GGT1: variants seen among roughly 807,000 people sequenced by gnomAD.
The protein encoded by GGT1 is glutathione hydrolase 1 proenzyme.
GGT1 carries 21 observed loss-of-function variants against 56.0 expected under a neutral mutation model. The observed-to-expected ratio is 0.38, with a 90% CI of 0.27 to 0.54. The LOEUF (loss-of-function observed/expected upper bound fraction) is 0.54, where lower values mean the gene tolerates loss of function less well. GGT1 is among the 20% of genes least tolerant of loss of function. GGT1 has a pLI of 0.82. For missense variants in GGT1, 466 were observed against 787.0 expected (o/e 0.59, Z 4.88); for synonymous variants, 238 against 342.6 (o/e 0.69, Z 3.37).
the GGT1 span, chr22:24,588,871 T>G: frequency 9.9e-7 from 1 of 1,005,890 alleles, no homozygotes; most frequent in Non-Finnish European, 1.2e-6. Flanking sequence ...ACCACCTGGC[T>G]CTCTCTCAGT....
rs978672693 is a variant in GGT1 at position 24,603,213 on chromosome 22, G to A, written c.-743G>A. 2.0e-5 allele frequency: 3 copies of A among 151,722 alleles called. No homozygotes were observed. The highest frequency in any genetic ancestry group is 7.3e-5 in the African/African-American group (3 of 41,220). The allele number at this position is 151,722 out of a possible 1,614,324, so 9.4% of individuals were successfully genotyped here. A position where few individuals can be genotyped will look rare whatever the true frequency, so the allele number is the denominator to read the frequency against. On this transcript the variant is annotated 5_prime_UTR_variant, in exon 1 of 16. It removes an upstream start codon present in the reference 5' UTR. Transcript: ENST00000400382. ...GCTTGGTTTTGGTGTGCTGCTGGAT[G>A]ACCAGACCGGGCGTCGGGTGAGCCC...
At chr22:24,619,929 C>G (rs199879155) in intron 7 of GGT1, among the ~76,000 whole-genome samples, 1 of 150,878 alleles carries the variant, frequency 6.6e-6, no homozygotes, top group South Asian at 2.1e-4. Flanking sequence ...ACTGCTTCCC[C>G]TGCTGTGCCC....
At chr22:24,588,879 A>C in the GGT1 span, 4 of 1,006,686 alleles carry the variant, frequency 4.0e-6, no homozygotes, top group Non-Finnish European at 4.7e-6. Context: ...GCTCTCTCTC[A>C]GTCCTAACTG....
At position 24,628,101 on chromosome 22, in the gene GGT1, A is replaced by G. The variant is rs932400175; in HGVS notation, c.1357A>G (p.Met453Val). ...IQPGKQPLSS[M>V]CPTIMVGQDG... The stretch of plus-strand genomic sequence containing the variant: ...CGCAGGGAAGCAGCCGCTCTCGTCC[A>G]TGTGCCCGACGATCATGGTGGGCCA... Residue 453 changes from methionine (M) to valine (V), a missense_variant, in exon 14 of 16, where the codon ATG (methionine) becomes GTG (valine). Physicochemically the swap from Met to Val is conservative, Grantham distance 21. Around this residue, in one of 2 missense-constraint regions of GGT1, gnomAD observed 456 missense variants for 716.7 expected, o/e 0.64. Transcript: ENST00000400382. The surrounding 1 kb of genome is among the most constrained non-coding windows in gnomAD (Gnocchi z 5.7). 4 of 1,611,786 alleles carry G rather than the reference A, an allele frequency of 2.5e-6. No homozygotes were observed. In the Admixed American group the frequency reaches 5.0e-5, roughly 20 times the overall value.
chr22:24,620,307 A>C lies in GGT1; in HGVS notation c.383-21A>C. The stretch of plus-strand genomic sequence containing the variant: ...CGATGTCCCCCACTCAGGGTCACTA[A>C]CTATGGCTCTCTCTCCCCAGGGGGG... On this transcript the variant is annotated intron_variant, in intron 7 of 15. Coordinates refer to ENST00000400382, the MANE Select transcript of GGT1 (RefSeq NM_001288833.2). The surrounding 1 kb of genome is among the most constrained non-coding windows in gnomAD (Gnocchi z 5.6). 6.2e-7 allele frequency: 1 copy of C among 1,610,668 alleles called. No individual in the cohort carries two copies. The highest frequency in any genetic ancestry group is 8.5e-7 in the Non-Finnish European group (1 of 1,179,406).
Position 24,627,815 on chromosome 22 carries a change from G to T in GGT1, c.1209-37G>T, listed in dbSNP as rs768364627. On this transcript the variant is annotated intron_variant, in intron 12 of 15. Transcript: ENST00000400382. ...GTGGATAGGGACCAGGCTGGGCCAG[G>T]CAAGGTCGGGCACTGTCTGACCTGG... 4 of 1,596,588 alleles carry T rather than the reference G, an allele frequency of 2.5e-6. No homozygotes were observed. The African/African-American group carries it at 5.4e-5, about 21-fold the overall frequency.
chr22:24,614,628 A>AAG lies in GGT1; in HGVS notation c.165-147_165-146insGA, dbSNP rs1555900123. ...AGACTCCATCTCAAAAAAAAAAAAA[A>AAG]AAAGAAAGAAAGAAACTAAAAACAA... On this transcript the variant is annotated intron_variant, in intron 5 of 15. Transcript: ENST00000400382. 515 of 719,668 alleles carry AAG rather than the reference A, an allele frequency of 7.2e-4. 5 individuals are homozygous for AAG. The African/African-American group carries it at 8.6e-3, about 12-fold the overall frequency. The allele number at this position is 719,668 out of a possible 1,614,324, so 44.6% of individuals were successfully genotyped here.
chr22:24,589,982 C>T (rs756945794), upstream of GGT1: 12 of 1,535,042 alleles, frequency 7.8e-6, no homozygotes, highest in East Asian at 2.4e-5. Context: ...TGAGTGAGCC[C>T]GTTGGGTCTC....
At chr22:24,622,177 T>A (rs1306504636) in intron 9 of GGT1, among the ~76,000 whole-genome samples, 16 of 113,416 alleles carry the variant, frequency 1.4e-4, no homozygotes, top group Non-Finnish European at 2.2e-4. Flanking sequence ...ACATAGTGAG[T>A]CTACAAAAAA....
the GGT1 span, among the ~76,000 whole-genome samples, chr22:24,587,440 C>T: frequency 6.6e-6 from 1 of 152,342 alleles, no homozygotes; most frequent in South Asian, 2.1e-4. Context: ...AGCACACCCT[C>T]AGGACCCCCA....
chr22:24,626,595 G>A (rs1353016519), intron 11 of GGT1, among the ~76,000 whole-genome samples: 2 of 151,986 alleles, frequency 1.3e-5, no homozygotes, highest in South Asian at 2.1e-4. Context: ...CCCTTCTGCA[G>A]GGTTTACCTC....
chr22:24,593,980 A>G (rs1237390235), upstream of GGT1, among the ~76,000 whole-genome samples: 4 of 152,204 alleles, frequency 2.6e-5, no homozygotes, highest in Non-Finnish European at 5.9e-5. Flanking sequence ...CGTTAAGCCC[A>G]GCTCTGGGCA....
chr22:24,585,638 G>A, the GGT1 span: 3 of 552,100 alleles, frequency 5.4e-6, no homozygotes, highest in Non-Finnish European at 9.6e-6. Context: ...AGCAGAGGCG[G>A]GTGTCACTCT....
chr22:24,585,219 G>C, the GGT1 span, among the ~76,000 whole-genome samples: 1 of 152,160 alleles, frequency 6.6e-6, no homozygotes, highest in African/African-American at 2.4e-5. Flanking sequence ...TCACTTAGTC[G>C]GCTGTGGCCC....
At chr22:24,610,926 G>A in intron 4 of GGT1, 149 bp from the exon 5 acceptor site, 2 of 664,096 alleles carry the variant, frequency 3.0e-6, no homozygotes, top group East Asian at 5.5e-5. Context: ...AAGGTCTGGG[G>A]GCCGGACAGC....
At chr22:24,588,157 C>G in the GGT1 span, 1 of 1,380,796 alleles carries the variant, frequency 7.2e-7, no homozygotes, top group Admixed American at 1.9e-5. Context: ...CAGGTGTCAA[C>G]CTGAGAAGGG....
the GGT1 span, chr22:24,589,209 G>A: frequency 8.0e-7 from 1 of 1,248,054 alleles, no homozygotes; most frequent in Non-Finnish European, 1.0e-6. Context: ...TCCTGGGGCT[G>A]TGTCGATGCT....
At chr22:24,593,544 T>G (rs2045634463), upstream of GGT1, among the ~76,000 whole-genome samples, 1 of 152,028 alleles carries the variant, frequency 6.6e-6, no homozygotes, top group Non-Finnish European at 1.5e-5. Flanking sequence ...TCCCAGCACT[T>G]TGGGGGGCCG....
chr22:24,605,128 A>AAG, intron 1 of GGT1, among the ~76,000 whole-genome samples: 1 of 23,336 alleles, frequency 4.3e-5, no homozygotes, highest in African/African-American at 1.6e-4. Flanking sequence ...ATAATATGTA[A>AAG]TATATTATAT....
Sources: allele counts gnomAD v4.1 joint callset (sites outside exome capture counted in the v4.1 genomes callset), GRCh38; gene constraint gnomAD v4.1.1; regional missense constraint gnomAD v4.1.1; non-coding constraint Gnocchi (gnomAD v3.1); transcripts MANE v1.5; gene names NCBI Gene and HGNC (gene_info 2026-07-23, HGNC 2026-07-21).